Variants in LIMS1 observed in about 807,000 individuals in gnomAD.
LIMS1 encodes LIM zinc finger domain containing 1.
LIMS1 carries 18 observed loss-of-function variants against 44.1 expected under a neutral mutation model. The observed-to-expected ratio is 0.41, with a 90% CI of 0.28 to 0.61. LIMS1 has a LOEUF of 0.61. LIMS1 is among the 20% of genes least tolerant of loss of function. The probability of loss-of-function intolerance (pLI) is 0.32; values close to 1 mark genes in which losing one functional copy is unlikely to be tolerated. For synonymous variants in LIMS1, 93 were observed against 149.1 expected (o/e 0.62, Z 2.74); for missense variants, 201 against 422.0 (o/e 0.48, Z 4.59).
intron 1 of LIMS1, among the ~76,000 whole-genome samples, chr2:108,571,386 G>C (rs1302596850): frequency 2.6e-5 from 4 of 152,202 alleles, no homozygotes; most frequent in Non-Finnish European, 5.9e-5. Context: ...CCATGAAAAT[G>C]ACTCTGTTAG....
exon 10 of LIMS1, chr2:108,685,599 T>G (rs1693258896): frequency 6.6e-6 from 1 of 152,236 alleles, no homozygotes; most frequent in Non-Finnish European, 1.5e-5. Context: ...ACAACCAATT[T>G]TTTTTAGTAA....
chr2:108,607,590 T>C (rs1687342678), intron 1 of LIMS1, among the ~76,000 whole-genome samples: 1 of 152,214 alleles, frequency 6.6e-6, no homozygotes. Flanking sequence ...GCTTATTTAC[T>C]TCTGGGTCTT....
intron 1 of LIMS1, among the ~76,000 whole-genome samples, chr2:108,612,664 T>C (rs1476810254): frequency 6.6e-6 from 1 of 152,162 alleles, no homozygotes; most frequent in African/African-American, 2.4e-5. Context: ...GGAATACTCA[T>C]ATGAGTGGGG....
Position 108,638,786 on chromosome 2 carries a change from G to A in LIMS1, c.33-20819G>A, listed in dbSNP as rs184097790. The stretch of plus-strand genomic sequence containing the variant: ...AGGCTGGGCACGGTGGCTCACGCCT[G>A]TAATCCCAGCACTTGGAGAGGCCGA... On this transcript the variant is annotated intron_variant, in intron 1 of 9. Coordinates refer to ENST00000544547, the Ensembl canonical transcript of LIMS1. Among the ~76,000 whole-genome samples the A allele has an allele frequency of 3.3e-3, 499 of 152,186 alleles. 3 individuals carry two copies. The highest frequency in any genetic ancestry group is 0.012 in the African/African-American group (482 of 41,520).
intron 2 of LIMS1, among the ~76,000 whole-genome samples, chr2:108,667,548 AAAAAT>A (rs931585357): frequency 1.5e-4 from 11 of 75,614 alleles, no homozygotes; most frequent in African/African-American, 4.6e-4. Context: ...TAAAAAAAAA[AAAAAT>A]ATATATATAT....
chr2:108,676,134 A>T, intron 6 of LIMS1, 106 bp downstream of exon 6: 1 of 1,363,302 alleles, frequency 7.3e-7, no homozygotes, highest in South Asian at 1.5e-5. Context: ...CAGTACTTTC[A>T]AATCTTCATG....
intron 1 of LIMS1, among the ~76,000 whole-genome samples, chr2:108,535,818 A>G (rs1684115981): frequency 6.6e-6 from 1 of 152,198 alleles, no homozygotes; most frequent in East Asian, 1.9e-4. Context: ...AGTGTCCGGC[A>G]ATACAGGTTT....
At chr2:108,679,372 C>T (rs1481033526) in intron 8 of LIMS1, among the ~76,000 whole-genome samples, 1 of 151,802 alleles carries the variant, frequency 6.6e-6, no homozygotes, top group Admixed American at 6.6e-5. Flanking sequence ...CCCAGCTACT[C>T]GGGAGGCTGA....
intron 1 of LIMS1, among the ~76,000 whole-genome samples, chr2:108,568,516 C>G (rs767967982): frequency 2.0e-5 from 3 of 152,200 alleles, no homozygotes; most frequent in Non-Finnish European, 2.9e-5. Flanking sequence ...CTTCAATACC[C>G]TGCTTTAGAT....
intron 8 of LIMS1, among the ~76,000 whole-genome samples, chr2:108,680,307 C>T (rs1692871768): frequency 6.9e-6 from 1 of 144,012 alleles, no homozygotes; most frequent in Non-Finnish European, 1.5e-5. Context: ...GCGGAGGTTG[C>T]AGTGAGCCGT....
intron 1 of LIMS1, among the ~76,000 whole-genome samples, chr2:108,535,468 C>CAA (rs1491391068): frequency 6.6e-6 from 1 of 152,132 alleles, no homozygotes; most frequent in East Asian, 1.9e-4. Flanking sequence ...GTGGCCTTTG[C>CAA]ACACAGTTAC....
intron 1 of LIMS1, among the ~76,000 whole-genome samples, chr2:108,581,326 T>C (rs1685877567): frequency 6.6e-6 from 1 of 152,208 alleles, no homozygotes; most frequent in Non-Finnish European, 1.5e-5. Context: ...GACTAGGGGC[T>C]TTCCAACAAG....
intron 2 of LIMS1, among the ~76,000 whole-genome samples, chr2:108,667,280 G>A (rs1390748205): frequency 6.6e-6 from 1 of 152,112 alleles, no homozygotes; most frequent in Non-Finnish European, 1.5e-5. Flanking sequence ...ATTTCACAAT[G>A]TCACAGTGAG....
intron 8 of LIMS1, among the ~76,000 whole-genome samples, chr2:108,679,273 G>A (rs1692784132): frequency 6.6e-6 from 1 of 151,722 alleles, no homozygotes; most frequent in Non-Finnish European, 1.5e-5. Flanking sequence ...GAGGTCAAGA[G>A]TTCAAGAGCA....
chr2:108,676,753 A>G (rs1692593819), intron 7 of LIMS1, 55 bp downstream of exon 7: 2 of 1,047,462 alleles, frequency 1.9e-6, no homozygotes, highest in African/African-American at 1.6e-5. Context: ...TAAGCTTATC[A>G]GTAGTTTAGC....
chr2:108,546,007 C>A (rs1420456027), intron 1 of LIMS1, among the ~76,000 whole-genome samples: 4 of 152,234 alleles, frequency 2.6e-5, no homozygotes, highest in African/African-American at 9.6e-5. Context: ...ATGATACAAT[C>A]TGACAGATTA....
intron 1 of LIMS1, among the ~76,000 whole-genome samples, chr2:108,586,212 A>G (rs1175452232): frequency 1.3e-5 from 2 of 152,172 alleles, no homozygotes; most frequent in Non-Finnish European, 2.9e-5. Context: ...AAAAAACAAA[A>G]AAACAAACAA....
At chr2:108,535,172 T>G (rs1054638152) in intron 1 of LIMS1, among the ~76,000 whole-genome samples, 5 of 152,266 alleles carry the variant, frequency 3.3e-5, no homozygotes, top group African/African-American at 1.2e-4. Flanking sequence ...TAGAGACAAC[T>G]ACGTTCTCCC....
chr2:108,646,444 C>T (rs1432581602), intron 1 of LIMS1, among the ~76,000 whole-genome samples: 1 of 152,122 alleles, frequency 6.6e-6, no homozygotes, highest in East Asian at 1.9e-4. Flanking sequence ...AGAACAAAGA[C>T]ACAACGTACC....
Sources: allele counts gnomAD v4.1 joint callset (sites outside exome capture counted in the v4.1 genomes callset), GRCh38; gene constraint gnomAD v4.1.1; transcripts MANE v1.5; gene names NCBI Gene and HGNC (gene_info 2026-07-23, HGNC 2026-07-21).